MGAT5B: variants seen among roughly 807,000 people sequenced by gnomAD.
MGAT5B encodes the protein alpha-1,6-mannosylglycoprotein 6-beta-N-acetylglucosaminyltransferase B, also known as N-acetylglucosaminyl-transferase Vb.
In MGAT5B, 54 loss-of-function variants were observed where a neutral mutation model predicts 95.1. The ratio of observed to expected loss-of-function variants is 0.57; its 90% CI spans 0.46 to 0.71. The LOEUF is 0.71. MGAT5B is among the 30% of genes least tolerant of loss of function. The pLI is 0.00. For missense variants in MGAT5B, 935 were observed against 1,088.6 expected (o/e 0.86, Z 1.99); for synonymous variants, 464 against 451.0 (o/e 1.03, Z -0.36).
Position 76,933,306 on chromosome 17 carries a change from A to T in MGAT5B, c.1428+9A>T, listed in dbSNP as rs1447697372. The T allele has an allele frequency of 1.3e-6, 2 of 1,598,154 alleles. No individual in the cohort carries two copies. The highest frequency in any genetic ancestry group is 2.2e-5 in the South Asian group (2 of 91,040). On this transcript the variant is annotated intron_variant, in intron 12 of 17. Coordinates refer to ENST00000569840, the MANE Select transcript of MGAT5B (RefSeq NM_001199172.2). ...CCACGAGGCAGCTCCAGGTATGGAA[A>T]CCGCTTGCCGCCTGCCCCCTCTACC...
chr17:76,927,536 G>A (rs777724399), intron 10 of MGAT5B, among the ~76,000 whole-genome samples: 3 of 152,196 alleles, frequency 2.0e-5, no homozygotes, highest in Non-Finnish European at 4.4e-5. Context: ...CACCGTGCCC[G>A]GGTTTCAGCT....
intron 3 of MGAT5B, among the ~76,000 whole-genome samples, chr17:76,897,725 CTTTTTCTTTTTTT>C (rs1968140538): frequency 4.5e-5 from 3 of 66,174 alleles, no homozygotes; most frequent in Non-Finnish European, 7.9e-5. Context: ...TTCTTTCTTT[CTTTTTCTTTTTTT>C]TTTTTTTTTT....
Position 76,912,880 on chromosome 17 carries a change from C to A in MGAT5B, c.1025+6693C>A, listed in dbSNP as rs565904300. 1.3e-5 allele frequency among the ~76,000 whole-genome samples: 2 copies of A among 152,310 alleles called. No homozygotes were observed. The highest frequency in any genetic ancestry group is 4.1e-4 in the South Asian group (2 of 4,824). On this transcript the variant is annotated intron_variant, in intron 8 of 17. Transcript: ENST00000569840. This position sits in a 1 kb window ranked among gnomAD's most constrained non-coding sequence, Gnocchi z 5.0. ...ATCCTGAGACGGCCTCGTGCATGTGCAGGTCCAGGGTGGGCGTTTTAAAGT... is the reference window on the plus strand; with the variant it reads ...ATCCTGAGACGGCCTCGTGCATGTGAAGGTCCAGGGTGGGCGTTTTAAAGT...
chr17:76,900,227 A>G, intron 3 of MGAT5B, among the ~76,000 whole-genome samples: 1 of 152,096 alleles, frequency 6.6e-6, no homozygotes, highest in Non-Finnish European at 1.5e-5. Flanking sequence ...AAATACTCCT[A>G]CTTCCTTCTT....
At chr17:76,924,701 A>G (rs1969241350) in intron 8 of MGAT5B, among the ~76,000 whole-genome samples, 1 of 152,184 alleles carries the variant, frequency 6.6e-6, no homozygotes, top group Non-Finnish European at 1.5e-5. Context: ...TCGATGACAA[A>G]AGGTGCCCCT....
At chr17:76,890,139 G>A (rs1453775298) in intron 3 of MGAT5B, among the ~76,000 whole-genome samples, 1 of 152,248 alleles carries the variant, frequency 6.6e-6, no homozygotes, top group Non-Finnish European at 1.5e-5. Context: ...TGGGTCTGAA[G>A]AGGGACAGTG....
intron 2 of MGAT5B, 124 bp downstream of exon 2, chr17:76,873,087 G>C: frequency 1.9e-6 from 2 of 1,068,702 alleles, no homozygotes; most frequent in Non-Finnish European, 2.7e-6. Flanking sequence ...TGTGAGTGGA[G>C]GGGGCCTGGG....
chr17:76,894,614 G>T (rs1463886388), intron 3 of MGAT5B, among the ~76,000 whole-genome samples: 3 of 152,140 alleles, frequency 2.0e-5, no homozygotes, highest in Non-Finnish European at 4.4e-5. Flanking sequence ...CCAGCACTTT[G>T]GGAGGCCGAG....
chr17:76,887,754 G>T (rs568201110), intron 3 of MGAT5B, among the ~76,000 whole-genome samples: 2 of 150,802 alleles, frequency 1.3e-5, no homozygotes, highest in African/African-American at 2.4e-5. Flanking sequence ...ATGGGGTTTC[G>T]CCATATTGCC....
intron 16 of MGAT5B, 30 bp from the exon 17 acceptor site, chr17:76,947,800 C>T: frequency 6.6e-7 from 1 of 1,516,980 alleles, no homozygotes; most frequent in East Asian, 2.3e-5. Flanking sequence ...GTCGCACTTC[C>T]CCACCCTGAC....
intron 3 of MGAT5B, among the ~76,000 whole-genome samples, chr17:76,891,640 A>T (rs776838861): frequency 3.3e-5 from 5 of 152,242 alleles, no homozygotes; most frequent in Admixed American, 2.6e-4. Flanking sequence ...TCGGCCTCCC[A>T]GAGTGGTGGG....
chr17:76,897,293 G>A (rs1968095674), intron 3 of MGAT5B, among the ~76,000 whole-genome samples: 1 of 152,142 alleles, frequency 6.6e-6, no homozygotes, highest in Non-Finnish European at 1.5e-5. Flanking sequence ...GTTTCGTAGA[G>A]TTGCCGTAAA....
At chr17:76,942,622 A>G (rs1290420780) in intron 15 of MGAT5B, among the ~76,000 whole-genome samples, 1 of 152,218 alleles carries the variant, frequency 6.6e-6, no homozygotes, top group Non-Finnish European at 1.5e-5. Flanking sequence ...ATAGGCTTAA[A>G]TGGGGCTAGA....
intron 2 of MGAT5B, among the ~76,000 whole-genome samples, chr17:76,874,189 G>C (rs886912949): frequency 6.6e-6 from 1 of 152,122 alleles, no homozygotes; most frequent in African/African-American, 2.4e-5. Flanking sequence ...TGGTAAATGG[G>C]GATGGTAATA....
chr17:76,943,660 C>G (rs755469477), intron 15 of MGAT5B, among the ~76,000 whole-genome samples: 1 of 151,618 alleles, frequency 6.6e-6, no homozygotes, highest in African/African-American at 2.4e-5. Flanking sequence ...AGGCCAGTCT[C>G]GAACTCCTGG....
intron 4 of MGAT5B, among the ~76,000 whole-genome samples, 185 bp downstream of exon 4, chr17:76,902,855 G>A (rs1020968371): frequency 2.0e-5 from 3 of 151,396 alleles, no homozygotes; most frequent in South Asian, 4.2e-4. Context: ...CCCTCGACCC[G>A]GCAGGAGGGC....
rs1348764232 is a variant in MGAT5B at position 76,912,517 on chromosome 17, C to T, written c.1025+6330C>T. ...TGCGTGGGAGGCGGTGGGACAAAGA[C>T]GCGGCTTGTACATTTGTTGTAGTTT... On this transcript the variant is annotated intron_variant, in intron 8 of 17. Transcript: ENST00000569840. This position sits in a 1 kb window ranked among gnomAD's most constrained non-coding sequence, Gnocchi z 5.0. 1.3e-5 allele frequency among the ~76,000 whole-genome samples: 2 copies of T among 152,148 alleles called. No homozygotes were observed. The highest frequency in any genetic ancestry group is 2.1e-4 in the South Asian group (1 of 4,824).
Position 76,930,876 on chromosome 17 carries a change from C to A in MGAT5B, c.1292-1769C>A, listed in dbSNP as rs1483214128. On this transcript the variant is annotated intron_variant, in intron 10 of 17. Transcript: ENST00000569840. The surrounding 1 kb of genome is among the most constrained non-coding windows in gnomAD (Gnocchi z 4.1). ...TGTCGTGTGAGAGGGGCCCCGAAGG[C>A]TGAGTAGAATTTCCTCATCCGAGAC... is the stretch of plus-strand genomic sequence containing the variant. Among the ~76,000 whole-genome samples the A allele has an allele frequency of 6.6e-6, 1 of 152,108 alleles. No individual in the cohort carries two copies. The highest frequency in any genetic ancestry group is 1.5e-5 in the Non-Finnish European group (1 of 68,010).
chr17:76,904,172 C>G (rs1312645717), intron 5 of MGAT5B, 80 bp from the exon 6 acceptor site: 2 of 1,430,812 alleles, frequency 1.4e-6, no homozygotes, highest in Non-Finnish European at 1.9e-6. Flanking sequence ...CTCAGGACCC[C>G]TGGGGGTGCA....
Sources: allele counts gnomAD v4.1 joint callset (sites outside exome capture counted in the v4.1 genomes callset), GRCh38; gene constraint gnomAD v4.1.1; non-coding constraint Gnocchi (gnomAD v3.1); transcripts MANE v1.5; gene names NCBI Gene and HGNC (gene_info 2026-07-23, HGNC 2026-07-21).